DLGAP2: variants seen among roughly 807,000 people sequenced by gnomAD.
DLGAP2 encodes the protein DLG associated protein 2, also known as disks large-associated protein 2.
In DLGAP2, 26 loss-of-function variants were observed where a neutral mutation model predicts 100.3. The ratio of observed to expected loss-of-function variants is 0.26; its 90% confidence interval spans 0.19 to 0.36. DLGAP2 has a LOEUF of 0.36. DLGAP2 is among the 10% of genes least tolerant of loss of function. DLGAP2 has a pLI of 1.00. For synonymous variants in DLGAP2, 886 were observed against 630.1 expected, an observed-to-expected ratio of 1.41 and a Z score of -6.08; for missense variants, 1,858 against 1,453.2, an observed-to-expected ratio of 1.28 and a Z score of -4.53.
chr8:1,541,858 G>A (rs186305532), intron 4 of DLGAP2, among the ~76,000 whole-genome samples: 22 of 152,322 alleles, frequency 1.4e-4, no homozygotes, highest in East Asian at 1.3e-3. Flanking sequence ...GAACAGAAAC[G>A]TGTACAATGG....
chr8:861,004 G>A (rs1797378257), intron 1 of DLGAP2, among the ~76,000 whole-genome samples: 1 of 152,126 alleles, frequency 6.6e-6, no homozygotes, highest in Admixed American at 6.5e-5. Context: ...GGGGCCACAC[G>A]TGCAAAGGCC....
Position 1,087,189 on chromosome 8 carries a change from ACAT to A in DLGAP2, c.74-171658_74-171656del, listed in dbSNP as rs147920532. 1.7e-3 allele frequency among the ~76,000 whole-genome samples: 252 copies of A among 152,376 alleles called. 3 individuals are homozygous for A. In the East Asian group the frequency reaches 0.038, roughly 23 times the overall value. On this transcript the variant is annotated intron_variant, in intron 2 of 14. Coordinates refer to ENST00000637795, the MANE Select transcript of DLGAP2 (RefSeq NM_001346810.2). ...TATCTTGAGATAAACAAAAATGGAA[ACAT>A]CATGCGTACCGAAACATATGAGATG...
chr8:1,349,046 G>C (rs1275377919), intron 3 of DLGAP2, among the ~76,000 whole-genome samples: 1 of 151,810 alleles, frequency 6.6e-6, no homozygotes, highest in Admixed American at 6.6e-5. Context: ...GCAGGGTGGA[G>C]ATGCGGCCAC....
At chr8:1,325,879 T>C (rs1463460876) in intron 3 of DLGAP2, among the ~76,000 whole-genome samples, 1 of 152,206 alleles carries the variant, frequency 6.6e-6, no homozygotes, top group Admixed American at 6.5e-5. Context: ...GTCTTCTGTT[T>C]TGATCTCCTT....
chr8:1,417,521 T>A (rs11785793), intron 3 of DLGAP2, among the ~76,000 whole-genome samples: 32,706 of 151,978 alleles, frequency 0.22, 3,848 homozygotes, highest in South Asian at 0.28. Context: ...GCATAGTACA[T>A]AGCACAGGTG....
intron 1 of DLGAP2, among the ~76,000 whole-genome samples, chr8:771,802 T>C (rs10108040): frequency 0.99 from 150,722 of 152,382 alleles, 74,556 homozygotes; most frequent in Non-Finnish European, 1. Flanking sequence ...AAAATTGAAG[T>C]GGCACATATA....
chr8:966,833 G>A (rs769038783), intron 2 of DLGAP2, among the ~76,000 whole-genome samples: 1 of 152,084 alleles, frequency 6.6e-6, no homozygotes, highest in African/African-American at 2.4e-5. Flanking sequence ...TTATTTCCAC[G>A]CCTGTAAAAT....
intron 8 of DLGAP2, among the ~76,000 whole-genome samples, chr8:1,644,210 C>A (rs533796357): frequency 2.8e-4 from 43 of 152,366 alleles, no homozygotes; most frequent in African/African-American, 9.6e-4. Context: ...GACTTCCCAC[C>A]CACTCTCCAT....
At chr8:1,115,465 C>T (rs1413955213) in intron 2 of DLGAP2, among the ~76,000 whole-genome samples, 1 of 152,184 alleles carries the variant, frequency 6.6e-6, no homozygotes, top group Non-Finnish European at 1.5e-5. Context: ...AATAACTTTT[C>T]ATCTGAAAAT....
intron 2 of DLGAP2, among the ~76,000 whole-genome samples, chr8:973,843 G>A (rs1466460755): frequency 1.0e-5 from 1 of 97,766 alleles, no homozygotes; most frequent in Non-Finnish European, 2.2e-5. Context: ...GGAGGTCGGG[G>A]CGGGCGGTGG....
intron 12 of DLGAP2, among the ~76,000 whole-genome samples, chr8:1,686,784 G>A (rs568786946): frequency 4.1e-4 from 62 of 152,244 alleles, no homozygotes; most frequent in Non-Finnish European, 6.0e-4. Flanking sequence ...AATACAGTTA[G>A]GTGGAAGAAA....
chr8:954,798 C>G (rs995837041), intron 2 of DLGAP2, among the ~76,000 whole-genome samples: 1 of 152,046 alleles, frequency 6.6e-6, no homozygotes, highest in African/African-American at 2.4e-5. Context: ...GTCCAGGAGT[C>G]TTTGAGGGTA....
chr8:1,219,713 G>A (rs1019159595), intron 2 of DLGAP2, among the ~76,000 whole-genome samples: 1 of 152,034 alleles, frequency 6.6e-6, no homozygotes, highest in Non-Finnish European at 1.5e-5. Flanking sequence ...TTTTATGTCT[G>A]GTAGAATTTG....
intron 2 of DLGAP2, among the ~76,000 whole-genome samples, chr8:1,156,515 C>T (rs1253632368): frequency 1.3e-5 from 2 of 151,950 alleles, no homozygotes; most frequent in Non-Finnish European, 2.9e-5. Context: ...AGAAGTCAGG[C>T]GTCTTTAGGA....
intron 2 of DLGAP2, among the ~76,000 whole-genome samples, chr8:1,131,653 G>C (rs115185581): frequency 0.015 from 2,336 of 151,152 alleles, 62 homozygotes; most frequent in African/African-American, 0.054. Flanking sequence ...CATGGGTGCT[G>C]TTCCACATTA....
intron 1 of DLGAP2, among the ~76,000 whole-genome samples, chr8:840,079 C>G (rs1585919122): frequency 3.9e-4 from 2 of 5,138 alleles, no homozygotes; most frequent in African/African-American, 2.5e-3. Flanking sequence ...CTGGATTCTG[C>G]GAGCGCGTCC....
At chr8:1,242,349 A>G (rs2116861462) in intron 2 of DLGAP2, among the ~76,000 whole-genome samples, 1 of 152,274 alleles carries the variant, frequency 6.6e-6, no homozygotes, top group South Asian at 2.1e-4. Context: ...CTATGCCATT[A>G]CCTGCTCATG....
chr8:1,556,660 A>T (rs954047279), intron 5 of DLGAP2, among the ~76,000 whole-genome samples: 34 of 152,156 alleles, frequency 2.2e-4, no homozygotes, highest in Non-Finnish European at 4.6e-4. Context: ...AATTTAAGTT[A>T]TCCCTTGTCT....
intron 1 of DLGAP2, among the ~76,000 whole-genome samples, chr8:860,259 T>A (rs1282240021): frequency 6.6e-6 from 1 of 152,184 alleles, no homozygotes; most frequent in Non-Finnish European, 1.5e-5. Flanking sequence ...AGAATGGGGT[T>A]TTGGGATGAC....
Sources: allele counts gnomAD v4.1 joint callset (sites outside exome capture counted in the v4.1 genomes callset), GRCh38; gene constraint gnomAD v4.1.1; transcripts MANE v1.5; gene names NCBI Gene and HGNC (gene_info 2026-07-23, HGNC 2026-07-21).